ASL: variants seen among roughly 807,000 people sequenced by gnomAD.
ASL encodes argininosuccinase.
A neutral mutation model predicts 69.1 loss-of-function variants in ASL; 51 were observed. The observed-to-expected ratio is 0.74, with a 90% CI of 0.59 to 0.93. The LOEUF (loss-of-function observed/expected upper bound fraction) is 0.93, where lower values mean the gene tolerates loss of function less well. Among genes scored for constraint, ASL ranks in the 40% least tolerant of loss-of-function variants. The probability of loss-of-function intolerance (pLI) is 0.00; values close to 1 mark genes in which losing one functional copy is unlikely to be tolerated. For missense variants in ASL, 540 were observed against 623.9 expected (o/e 0.87, Z 1.43); for synonymous variants, 241 against 247.6 (o/e 0.97, Z 0.25).
At chr7:66,087,620 C>T in intron 9 of ASL, 109 bp from the exon 10 acceptor site, 5 of 1,159,856 alleles carry the variant, frequency 4.3e-6, no homozygotes, top group Non-Finnish European at 6.4e-6. Context: ...ATCCCTCCCC[C>T]CAGCTGTTGC....
rs748316235 is a variant in ASL at position 66,086,606 on chromosome 7, G to A, written c.468G>A (p.Pro156=). The A allele has an allele frequency of 2.6e-5, 42 of 1,613,710 alleles. No individual in the cohort carries two copies. The East Asian group carries it at 4.0e-4, about 15-fold the overall frequency. The change falls in exon 7 of 17, where the codon CCG becomes CCA. Residue 156 remains proline (P), a synonymous_variant. Coordinates refer to ENST00000304874, the MANE Select transcript of ASL (RefSeq NM_000048.4). ...ACAGGGAACGTGATGTTCTCTTCCC[G>A]GGGTACACCCATTTGCAGAGGGCCC... ...RAEAERDVLF[P]GYTHLQRAQP...
chr7:66,085,085 A>T (rs2115714020), intron 6 of ASL, among the ~76,000 whole-genome samples: 1 of 152,258 alleles, frequency 6.6e-6, no homozygotes, highest in East Asian at 1.9e-4. Context: ...TCATGGGGTG[A>T]TGAAAATGTT....
chr7:66,092,927 G>GC lies in ASL; in HGVS notation c.*20dup. ...AGCAGGCCTAGGTCCTCCCACACCT[G>GC]CCCCCTAATAAAGTGGGCGCGAGAG... On this transcript the variant is annotated 3_prime_UTR_variant, in exon 17 of 17. Transcript: ENST00000304874. 1 of 1,601,314 alleles carries GC rather than the reference G, an allele frequency of 6.2e-7. No individual in the cohort carries two copies. Among genetic ancestry groups the GC allele is most frequent in the Non-Finnish European group, 8.5e-7 (1 of 1,178,774 alleles).
intron 14 of ASL, among the ~76,000 whole-genome samples, chr7:66,090,684 C>T (rs1421360905): frequency 1.3e-5 from 2 of 152,196 alleles, no homozygotes; most frequent in African/African-American, 2.4e-5. Context: ...AACTCACGGA[C>T]ATCCTGGCTC....
intron 2 of ASL, 116 bp from the exon 3 acceptor site, chr7:66,081,687 G>C: frequency 7.8e-7 from 1 of 1,275,604 alleles, no homozygotes; most frequent in Non-Finnish European, 1.1e-6. Context: ...TGCCCAGTTA[G>C]AATGATCTGA....
intron 9 of ASL, 90 bp from the exon 10 acceptor site, chr7:66,087,639 G>A: frequency 7.0e-7 from 1 of 1,436,006 alleles, no homozygotes; most frequent in Non-Finnish European, 9.7e-7. Context: ...GCCCCACCCT[G>A]ATCAGGGGAG....
intron 6 of ASL, among the ~76,000 whole-genome samples, chr7:66,084,145 GTTGTTGTTGT>G (rs1786592188): frequency 1.3e-5 from 2 of 151,302 alleles, no homozygotes; most frequent in Non-Finnish European, 2.9e-5. Context: ...TTAATTTTTT[GTTGTTGTTGT>G]TTGTTGTTGT....
chr7:66,080,213 A>G (rs1410890335), intron 2 of ASL, among the ~76,000 whole-genome samples: 1 of 150,796 alleles, frequency 6.6e-6, no homozygotes, highest in African/African-American at 2.4e-5. Context: ...CCACGTCTCT[A>G]CTGAAAAAAA....
At chr7:66,082,724 A>C (rs997935254) in intron 4 of ASL, among the ~76,000 whole-genome samples, 156 bp from the exon 5 acceptor site, 1 of 152,138 alleles carries the variant, frequency 6.6e-6, no homozygotes, top group Non-Finnish European at 1.5e-5. Context: ...AAAGAAAAAA[A>C]GAACAGGCCT....
intron 14 of ASL, 78 bp from the exon 15 acceptor site, chr7:66,091,928 A>G (rs1786853984): frequency 8.8e-6 from 13 of 1,479,538 alleles, no homozygotes; most frequent in Non-Finnish European, 7.5e-6. Flanking sequence ...ATGTCCTGGC[A>G]GAGGGGCAGG....
chr7:66,075,982 C>T lies in ASL; in HGVS notation c.-43-57C>T, dbSNP rs1786333621. On this transcript the variant is annotated intron_variant, in intron 1 of 16. Transcript: ENST00000304874. ...CGCAGTGCCCAGAACTCGGAGCCAG[C>T]CCGGCCCGGGGGACCCTGCTGGCCA... 3.3e-6 allele frequency: 5 copies of T among 1,514,210 alleles called. No homozygotes were observed. In the African/African-American group the frequency reaches 4.1e-5, roughly 13 times the overall value. 93.8% of individuals were successfully genotyped at this position (1,514,210 alleles called of 1,614,324 possible).
chr7:66,087,903 G>A (rs1210599475), intron 10 of ASL, 112 bp downstream of exon 10: 2 of 1,363,876 alleles, frequency 1.5e-6, no homozygotes, highest in African/African-American at 1.4e-5. Context: ...TGGTGATATT[G>A]TACACTGAAG....
intron 1 of ASL, 66 bp from the exon 2 acceptor site, chr7:66,075,973 C>A: frequency 6.1e-6 from 9 of 1,477,468 alleles, no homozygotes; most frequent in Non-Finnish European, 8.3e-6. Context: ...GCCCAGAACT[C>A]GGAGCCAGCC....
rs73374668 is a variant in ASL at position 66,077,091 on chromosome 7, C to T, written c.12+998C>T. 2.6e-3 allele frequency among the ~76,000 whole-genome samples: 394 copies of T among 152,162 alleles called. 1 individual carries two copies. Among genetic ancestry groups the T allele is most frequent in the African/African-American group, 9.1e-3 (377 of 41,502 alleles). On this transcript the variant is annotated intron_variant, in intron 2 of 16. Coordinates refer to ENST00000304874, the MANE Select transcript of ASL (RefSeq NM_000048.4). ...TAATATTGCCCACCTCATAAAAGGC[C>T]GTAATAACATATGTGAAATCCCTAG... is the stretch of plus-strand genomic sequence containing the variant.
rs1476437887 is a variant in ASL, at chr7:66,082,372, C to G, written c.212C>G (p.Ala71Gly). 3 of 1,611,708 alleles carry G rather than the reference C, an allele frequency of 1.9e-6. No individual in the cohort carries two copies. Among genetic ancestry groups the G allele is most frequent in the Non-Finnish European group, 2.5e-6 (3 of 1,179,410 alleles). Residue 71 changes from alanine (A) to glycine (G), a missense_variant, in exon 4 of 17, where the codon GCT (alanine) becomes GGT (glycine). Ala to Gly is a moderately conservative substitution (Grantham distance 60, BLOSUM62 0). Coordinates refer to ENST00000304874, the MANE Select transcript of ASL (RefSeq NM_000048.4). ...DQILHGLDKV[A>G]EEWAQGTFKL... ...CATTGCTGCTACCCACTACAGGTGG[C>G]TGAGGAGTGGGCCCAGGGCACCTTC...
rs1436177232 is a variant in ASL, at chr7:66,092,586, C to T, written c.1173C>T (p.Ser391=). 14 of 1,611,668 alleles carry T rather than the reference C, an allele frequency of 8.7e-6. No homozygotes were observed. The highest frequency in any genetic ancestry group is 1.7e-4 in the Middle Eastern group (1 of 5,902). ...CATTCCGCCAGGCCCACGAGGCCTC[C>T]GGGAAAGCTGTGTTCATGGCCGAGA... ...GMPFRQAHEA[S]GKAVFMAETK... Residue 391 remains serine (S), a synonymous_variant, in exon 16 of 17, where the codon TCC becomes TCT. Coordinates refer to ENST00000304874, the MANE Select transcript of ASL (RefSeq NM_000048.4).
intron 2 of ASL, among the ~76,000 whole-genome samples, chr7:66,079,222 G>T (rs374593425): frequency 5.5e-4 from 84 of 152,058 alleles, no homozygotes; most frequent in African/African-American, 1.8e-3. Context: ...CAGCCCCTGA[G>T]GTTTAATAAT....
chr7:66,083,332 C>A, intron 6 of ASL, 158 bp downstream of exon 6: 1 of 717,906 alleles, frequency 1.4e-6, no homozygotes, highest in Non-Finnish European at 2.3e-6. Flanking sequence ...CAGGAGTGGG[C>A]CATTTCCTGC....
intron 8 of ASL, chr7:66,087,054 A>G: frequency 1.5e-6 from 1 of 649,636 alleles, no homozygotes; most frequent in Non-Finnish European, 2.7e-6. Context: ...TGCTGCCCTC[A>G]GCCTGACATG....
Sources: gnomAD v4.1 joint callset for allele counts (sites outside exome capture counted in the v4.1 genomes callset) on GRCh38, gnomAD v4.1.1 for gene constraint, MANE v1.5 for transcripts, NCBI Gene and HGNC (gene_info 2026-07-23, HGNC 2026-07-21) for gene names.